The following CLYBL variants were observed in gnomAD, a reference collection of about 807,000 sequenced individuals.
CLYBL encodes citramalyl-CoA lyase, also known as citramalyl-CoA lyase, mitochondrial.
In CLYBL, 31 loss-of-function variants were observed where a neutral mutation model predicts 38.9. That is an observed-to-expected ratio of 0.80 (90% CI 0.60 to 1.08). CLYBL has a LOEUF of 1.08. Among genes scored for constraint, CLYBL ranks in the 50% least tolerant of loss-of-function variants. The pLI, the probability that CLYBL is intolerant of heterozygous loss-of-function variation, is 0.00. For synonymous variants in CLYBL, 171 were observed against 158.6 expected (o/e 1.08, Z -0.59); for missense variants, 434 against 411.6 (o/e 1.05, Z -0.47).
chr13:99,904,437 G>C (rs1345763583), intron 8 of CLYBL, among the ~76,000 whole-genome samples: 1 of 152,198 alleles, frequency 6.6e-6, no homozygotes, highest in African/African-American at 2.4e-5. Flanking sequence ...CTCATGAATT[G>C]ATTTGATAAG....
chr13:99,771,604 A>G (rs1445009541), intron 1 of CLYBL, among the ~76,000 whole-genome samples: 3 of 152,284 alleles, frequency 2.0e-5, no homozygotes, highest in Middle Eastern at 3.4e-3. Context: ...GAGCTAAAGC[A>G]TGGTTTTCAC....
chr13:99,815,096 A>G (rs962237865), intron 2 of CLYBL, among the ~76,000 whole-genome samples: 1 of 152,064 alleles, frequency 6.6e-6, no homozygotes, highest in Admixed American at 6.5e-5. Context: ...CACACCCCAC[A>G]TGGTCTCACT....
intron 1 of CLYBL, among the ~76,000 whole-genome samples, chr13:99,666,860 G>A (rs1271993460): frequency 6.6e-6 from 1 of 152,152 alleles, no homozygotes; most frequent in Non-Finnish European, 1.5e-5. Context: ...TGTCTTTAAA[G>A]ATGTTCCTGG....
At chr13:99,847,792 C>G (rs539165119) in intron 2 of CLYBL, among the ~76,000 whole-genome samples, 1 of 152,192 alleles carries the variant, frequency 6.6e-6, no homozygotes, top group Admixed American at 6.5e-5. Flanking sequence ...TGGATCCTCC[C>G]GAAGGCAGGC....
chr13:99,652,450 G>A (rs2047268894), intron 1 of CLYBL, among the ~76,000 whole-genome samples: 1 of 152,160 alleles, frequency 6.6e-6, no homozygotes, highest in African/African-American at 2.4e-5. Flanking sequence ...GCTCACACCT[G>A]TAATCCCAGC....
At chr13:99,783,190 G>GCAC (rs980916670) in intron 2 of CLYBL, among the ~76,000 whole-genome samples, 5 of 151,216 alleles carry the variant, frequency 3.3e-5, no homozygotes, top group Admixed American at 6.6e-5. Context: ...TTATAAGCAT[G>GCAC]CACCACCACG....
At chr13:99,819,200 C>G (rs559832588) in intron 2 of CLYBL, among the ~76,000 whole-genome samples, 1 of 150,958 alleles carries the variant, frequency 6.6e-6, no homozygotes, top group African/African-American at 2.4e-5. Context: ...AAAAAATTAG[C>G]CAGGTATGGT....
chr13:99,636,314 A>C (rs978665836), intron 1 of CLYBL, among the ~76,000 whole-genome samples: 2 of 152,262 alleles, frequency 1.3e-5, no homozygotes, highest in Non-Finnish European at 2.9e-5. Context: ...AGAATTATTA[A>C]TGTTTACCAA....
intron 2 of CLYBL, among the ~76,000 whole-genome samples, chr13:99,832,704 A>G (rs2050829665): frequency 6.6e-6 from 1 of 152,050 alleles, no homozygotes; most frequent in Admixed American, 6.6e-5. Context: ...CACTTGTCAC[A>G]GTTAGAATTA....
At chr13:99,657,331 C>T (rs1407995104) in intron 1 of CLYBL, among the ~76,000 whole-genome samples, 1 of 152,230 alleles carries the variant, frequency 6.6e-6, no homozygotes, top group Non-Finnish European at 1.5e-5. Flanking sequence ...CATGGCTTTG[C>T]ATCTGTGAAA....
downstream of CLYBL, among the ~76,000 whole-genome samples, chr13:99,900,594 G>A (rs982835027): frequency 6.6e-6 from 1 of 152,010 alleles, no homozygotes; most frequent in African/African-American, 2.4e-5. Context: ...TGCAACTATT[G>A]GACCTGCTAG....
intron 1 of CLYBL, among the ~76,000 whole-genome samples, chr13:99,660,202 T>G (rs906511051): frequency 4.6e-5 from 7 of 152,208 alleles, no homozygotes; most frequent in Non-Finnish European, 1.5e-5. Flanking sequence ...TTATGGCAAC[T>G]GAAATACTTG....
At chr13:99,835,547 C>T (rs892793767) in intron 2 of CLYBL, among the ~76,000 whole-genome samples, 1 of 152,196 alleles carries the variant, frequency 6.6e-6, no homozygotes, top group African/African-American at 2.4e-5. Flanking sequence ...CTGGGATATG[C>T]AGGCTTTAAG....
intron 1 of CLYBL, among the ~76,000 whole-genome samples, chr13:99,706,769 T>A (rs2048153284): frequency 6.6e-6 from 1 of 152,140 alleles, no homozygotes; most frequent in African/African-American, 2.4e-5. Flanking sequence ...GCATTTAGAG[T>A]CAGACTGGAG....
At chr13:99,717,343 T>C (rs1258250386) in intron 1 of CLYBL, among the ~76,000 whole-genome samples, 1 of 137,892 alleles carries the variant, frequency 7.3e-6, no homozygotes, top group Admixed American at 8.0e-5. Flanking sequence ...GGAGAATTGC[T>C]AGAACCCAGG....
chr13:99,791,633 G>A (rs777679673), intron 2 of CLYBL, among the ~76,000 whole-genome samples: 3 of 152,162 alleles, frequency 2.0e-5, no homozygotes, highest in Non-Finnish European at 4.4e-5. Flanking sequence ...GATGGTAAGA[G>A]TAGTATTCCA....
At chr13:99,713,334 C>CTTTTTTTTTTTTTTTTT (rs759844768) in intron 1 of CLYBL, among the ~76,000 whole-genome samples, 1 of 101,680 alleles carries the variant, frequency 9.8e-6, no homozygotes, top group African/African-American at 3.9e-5. Flanking sequence ...TTCTCTATTT[C>CTTTTTTTTTTTTTTTTT]TTTTTTTTTT....
At chr13:99,734,581 G>A (rs115612212) in intron 1 of CLYBL, among the ~76,000 whole-genome samples, 2,231 of 152,132 alleles carry the variant, frequency 0.015, 27 homozygotes, top group South Asian at 0.031. Flanking sequence ...GCCCATACAC[G>A]GGGCTGGGAT....
chr13:99,620,197 AAG>A, intron 1 of CLYBL, among the ~76,000 whole-genome samples: 1 of 152,326 alleles, frequency 6.6e-6, no homozygotes, highest in South Asian at 2.1e-4. Context: ...ACTCAGGAGA[AAG>A]AGAAGGTAGA....
Sources: gnomAD v4.1 joint callset for allele counts (sites outside exome capture counted in the v4.1 genomes callset) on GRCh38, gnomAD v4.1.1 for gene constraint, MANE v1.5 for transcripts, NCBI Gene and HGNC (gene_info 2026-07-23, HGNC 2026-07-21) for gene names.